The following SOAT2 variants were observed in gnomAD, a reference collection of about 807,000 sequenced individuals.
SOAT2 encodes the protein ACAT-2.
Under a neutral mutation model 76.0 loss-of-function variants are expected in SOAT2, and 87 were observed. The observed-to-expected ratio is 1.14, with a 90% confidence interval of 0.96 to 1.37. The LOEUF (loss-of-function observed/expected upper bound fraction) is 1.37. Ranked by LOEUF, SOAT2 falls within the 40% of genes most tolerant of loss-of-function variation. The pLI is 0.00. For synonymous variants in SOAT2, 285 were observed against 275.4 expected (o/e 1.03, Z -0.34); for missense variants, 686 against 682.1 (o/e 1.01, Z -0.06).
At chr12:53,123,623 T>C (rs1938228897) in intron 13 of SOAT2, 105 bp from the exon 14 acceptor site, 2 of 1,355,678 alleles carry the variant, frequency 1.5e-6, no homozygotes, top group East Asian at 2.3e-5. Flanking sequence ...TCTTCTCCAA[T>C]GGGGCCTTCT....
intron 5 of SOAT2, among the ~76,000 whole-genome samples, chr12:53,108,562 G>T (rs1428064183): frequency 6.6e-6 from 1 of 152,076 alleles, no homozygotes; most frequent in African/African-American, 2.4e-5. Flanking sequence ...GCTATTAATA[G>T]CTCAAAAGAA....
At chr12:53,104,289 CTTTTTTTTT>C in intron 2 of SOAT2, 83 bp downstream of exon 2, 3 of 520,386 alleles carry the variant, frequency 5.8e-6, no homozygotes, top group East Asian at 8.5e-5. Flanking sequence ...ATAAAGATGA[CTTTTTTTTT>C]TTTTTTTTTT....
chr12:53,107,372 T>C (rs531939258), intron 5 of SOAT2, among the ~76,000 whole-genome samples: 22 of 152,268 alleles, frequency 1.4e-4, no homozygotes, highest in African/African-American at 4.8e-4. Context: ...TACATATAAA[T>C]AGGCTACTGC....
chr12:53,116,137 CTG>C lies in SOAT2; in HGVS notation c.752_753del (p.Val251AlafsTer10). 2 of 1,614,200 alleles carry C rather than the reference CTG, an allele frequency of 1.2e-6. No homozygotes were observed. Among genetic ancestry groups the C allele is most frequent in the Non-Finnish European group, 1.7e-6 (2 of 1,179,988 alleles). On this transcript the variant is annotated frameshift_variant, in exon 7 of 15. Coordinates refer to ENST00000301466, the MANE Select transcript of SOAT2 (RefSeq NM_003578.4). LOFTEE classifies it high-confidence loss of function. Reference sequence around the variant, plus strand: ...AAAAGCTACTCCTTCCTGAGAGAGGCTGTGCCTGGGACCCTTCGTGCCAGACG... The same window carrying C: ...AAAAGCTACTCCTTCCTGAGAGAGGCTGCCTGGGACCCTTCGTGCCAGACG...
rs1938186976 is a variant in SOAT2 at position 53,121,393 on chromosome 12, G to A, written c.1228G>A (p.Gly410Arg). The A allele has an allele frequency of 1.2e-6, 2 of 1,613,756 alleles. No individual in the cohort carries two copies. Among genetic ancestry groups the A allele is most frequent in the Non-Finnish European group, 1.7e-6 (2 of 1,179,790 alleles). ...DWLYSYVYQD[G>R]LRLLGARARG... ...GCTGTACAGCTACGTGTATCAGGATGGGCTGCGGGTATGGGCCCTGCAGAC... is the reference window on the plus strand; with the variant it reads ...GCTGTACAGCTACGTGTATCAGGATAGGCTGCGGGTATGGGCCCTGCAGAC... Residue 410 changes from glycine (G) to arginine (R), a missense_variant, in exon 12 of 15, where the codon GGG (glycine) becomes AGG (arginine). By Grantham distance (125) the Gly-to-Arg change is moderately radical. Coordinates refer to ENST00000301466, the MANE Select transcript of SOAT2 (RefSeq NM_003578.4).
chr12:53,123,587 A>G (rs1938228176), intron 13 of SOAT2, 141 bp from the exon 14 acceptor site: 2 of 964,996 alleles, frequency 2.1e-6, no homozygotes, highest in Non-Finnish European at 3.1e-6. Flanking sequence ...TTAGACCTCT[A>G]CGAATTTCTG....
At chr12:53,114,703 A>G (rs911400937) in intron 5 of SOAT2, among the ~76,000 whole-genome samples, 1 of 152,236 alleles carries the variant, frequency 6.6e-6, no homozygotes, top group Admixed American at 6.5e-5. Context: ...CCTGGGTGAC[A>G]GAGCGAGACT....
In SOAT2 at chr12:53,117,419, C is replaced by T. The variant is rs570155388; in HGVS notation, c.779-931C>T. Among the ~76,000 whole-genome samples, 42 of 151,826 alleles carry T rather than the reference C, an allele frequency of 2.8e-4. No individual in the cohort carries two copies. In the South Asian group the frequency reaches 3.5e-3, roughly 13 times the overall value. Reference sequence around the variant, plus strand: ...TGAGGCTGGCCCCTAATTTCAATATCGTTGTATCTCAGCGAATAGGAAAGC... The same window carrying T: ...TGAGGCTGGCCCCTAATTTCAATATTGTTGTATCTCAGCGAATAGGAAAGC... On this transcript the variant is annotated intron_variant, in intron 7 of 14. Transcript: ENST00000301466.
chr12:53,117,424 T>A (rs1938122348), intron 7 of SOAT2, among the ~76,000 whole-genome samples: 1 of 151,912 alleles, frequency 6.6e-6, no homozygotes, highest in African/African-American at 2.4e-5. Context: ...AATATCGTTG[T>A]ATCTCAGCGA....
intron 8 of SOAT2, 83 bp downstream of exon 8, chr12:53,118,517 GCTCACCT>G: frequency 1.0e-6 from 1 of 996,438 alleles, no homozygotes; most frequent in Non-Finnish European, 1.6e-6. Flanking sequence ...AGGTCCTCAG[GCTCACCT>G]CAGGCACTGG....
chr12:53,118,394 C>T lies in SOAT2; in HGVS notation c.823C>T (p.Leu275Phe), dbSNP rs1289812404. ...CAGTTTCTCCAGCTACCTCTACTTC[C>T]TCTTCTGCCCAACACTCATCTACAG... ...APSFSSYLYF[L>F]FCPTLIYRET... The change falls in exon 8 of 15, where the codon CTC (leucine) becomes TTC (phenylalanine). Residue 275 changes from leucine to phenylalanine, a missense_variant. Physicochemically the swap from Leu to Phe is conservative, Grantham distance 22. Coordinates refer to ENST00000301466, the MANE Select transcript of SOAT2 (RefSeq NM_003578.4). 5 of 1,613,638 alleles carry T rather than the reference C, an allele frequency of 3.1e-6. No homozygotes were observed. In the Admixed American group the frequency reaches 6.7e-5, roughly 22 times the overall value.
At chr12:53,112,471 G>A (rs557528057) in intron 5 of SOAT2, among the ~76,000 whole-genome samples, 10 of 151,202 alleles carry the variant, frequency 6.6e-5, no homozygotes, top group South Asian at 4.2e-4. Context: ...GCTTGAACCC[G>A]GGAGGCGGAG....
chr12:53,104,967 T>A, intron 2 of SOAT2, 140 bp from the exon 3 acceptor site: 8 of 763,772 alleles, frequency 1.0e-5, no homozygotes, highest in Middle Eastern at 4.2e-4. Flanking sequence ...TGAACCCCCA[T>A]CCCTGCTGAC....
chr12:53,115,798 G>C, intron 6 of SOAT2, 144 bp downstream of exon 6: 1 of 1,055,882 alleles, frequency 9.5e-7, no homozygotes, highest in Non-Finnish European at 1.3e-6. Context: ...CTAGTTACCG[G>C]GGGTGGAGTC....
chr12:53,118,768 T>A, intron 8 of SOAT2, 122 bp from the exon 9 acceptor site: 1 of 1,067,812 alleles, frequency 9.4e-7, no homozygotes, highest in Admixed American at 1.8e-5. Context: ...CCACCCTAGA[T>A]AATCCTCCCA....
intron 12 of SOAT2, among the ~76,000 whole-genome samples, chr12:53,122,421 G>T (rs1938205625): frequency 7.2e-6 from 1 of 138,418 alleles, no homozygotes; most frequent in Non-Finnish European, 1.5e-5. Context: ...ATAGTGGAGG[G>T]AAGGTCAGCA....
chr12:53,119,122 AG>A lies in SOAT2; in HGVS notation c.910del, dbSNP rs1295791250. On this transcript the variant is annotated splice_acceptor_variant, in intron 9 of 14. Transcript: ENST00000301466. LOFTEE classifies it high-confidence loss of function. The stretch of plus-strand genomic sequence containing the variant: ...AGTTATGTGTCCCCATGCCCCCTCC[AG>A]GCCCTGGGATGTGTGCTCTATGCCT... The A allele has an allele frequency of 1.9e-6, 3 of 1,613,836 alleles. No individual in the cohort carries two copies. The Admixed American group carries it at 5.0e-5, about 27-fold the overall frequency.
intron 5 of SOAT2, among the ~76,000 whole-genome samples, chr12:53,108,363 C>T (rs1390614367): frequency 2.0e-5 from 3 of 152,188 alleles, no homozygotes; most frequent in African/African-American, 7.2e-5. Context: ...TACACCATTC[C>T]AGTCAAAGCC....
In SOAT2 at chr12:53,115,567, C is replaced by G. The variant is rs755021588; in HGVS notation, c.621C>G (p.His207Gln). Residue 207 changes from histidine to glutamine, a missense_variant, in exon 6 of 15, where the codon CAC becomes CAG. Transcript: ENST00000301466. ...TGLGCALLAA[H>Q]AVVLCALPVH... Reference sequence around the variant, plus strand: ...TGGGCTGTGCGCTGCTAGCCGCCCACGCCGTGGTGCTCTGCGCGCTGCCGG... The same window carrying G: ...TGGGCTGTGCGCTGCTAGCCGCCCAGGCCGTGGTGCTCTGCGCGCTGCCGG... The G allele has an allele frequency of 6.3e-7, 1 of 1,589,544 alleles. No homozygotes were observed.
Sources: allele counts gnomAD v4.1 joint callset (sites outside exome capture counted in the v4.1 genomes callset), GRCh38; gene constraint gnomAD v4.1.1; transcripts MANE v1.5; gene names NCBI Gene and HGNC (gene_info 2026-07-23, HGNC 2026-07-21).